The following ADARB2 variants were observed in gnomAD, a reference collection of about 807,000 sequenced individuals.
The protein encoded by ADARB2 is adenosine deaminase RNA specific B2 (inactive).
In ADARB2, 25 loss-of-function variants were observed where a neutral mutation model predicts 62.2. That is an observed-to-expected ratio of 0.40 (90% confidence interval 0.29 to 0.56). ADARB2 has a LOEUF of 0.56. Ranked by LOEUF, ADARB2 falls within the 20% of genes least tolerant of loss-of-function variation. ADARB2 has a pLI of 0.43. For missense variants in ADARB2, 1,071 were observed against 1,077.4 expected (o/e 0.99, Z 0.08); for synonymous variants, 572 against 500.8 (o/e 1.14, Z -1.90).
At chr10:1,261,771 A>G (rs898461834) in intron 4 of ADARB2, among the ~76,000 whole-genome samples, 18 of 150,366 alleles carry the variant, frequency 1.2e-4, no homozygotes, top group African/African-American at 4.5e-4. Flanking sequence ...ATACCATTTG[A>G]CCCAGCCATT....
At chr10:1,651,597 T>C (rs1834111631) in intron 1 of ADARB2, among the ~76,000 whole-genome samples, 1 of 152,286 alleles carries the variant, frequency 6.6e-6, no homozygotes, top group Admixed American at 6.5e-5. Flanking sequence ...CCAGCTGTCT[T>C]TCCCACATAC....
At chr10:1,600,740 G>C (rs1294525980) in intron 1 of ADARB2, among the ~76,000 whole-genome samples, 1 of 150,268 alleles carries the variant, frequency 6.7e-6, no homozygotes, top group Admixed American at 6.6e-5. Context: ...GCTCCGACTA[G>C]AAGGAGTCCC....
intron 1 of ADARB2, among the ~76,000 whole-genome samples, chr10:1,444,811 A>G (rs567186714): frequency 3.2e-4 from 46 of 143,046 alleles, no homozygotes; most frequent in African/African-American, 1.2e-3. Context: ...TCATTCTTCC[A>G]TACACCCAGC....
At chr10:1,503,918 T>G (rs1222237532) in intron 1 of ADARB2, among the ~76,000 whole-genome samples, 1 of 152,202 alleles carries the variant, frequency 6.6e-6, no homozygotes, top group African/African-American at 2.4e-5. Context: ...TCACGCTTCT[T>G]GTACAGCCTG....
At chr10:1,199,866 A>C in intron 8 of ADARB2, 100 bp downstream of exon 8, 1 of 1,285,140 alleles carries the variant, frequency 7.8e-7, no homozygotes. Flanking sequence ...GCCACTAGCC[A>C]ACATGGATGA....
Position 1,363,267 on chromosome 10 carries a change from CG to C in ADARB2, c.837del (p.Val280TrpfsTer4). On this transcript the variant is annotated frameshift_variant, in exon 3 of 10. Coordinates refer to ENST00000381312, the MANE Select transcript of ADARB2 (RefSeq NM_018702.4). LOFTEE classifies it high-confidence loss of function. ...GCGCGCAGGCGGTTCAGCAGCACCA[CG>C]GGGTTGCGCTCGCCCGGGGCCGCGG... ...ATPAAPGERN[P>X]VVLLNRLRAG... The C allele has an allele frequency of 7.9e-7, 1 of 1,269,996 alleles. No homozygotes were observed. Among genetic ancestry groups the C allele is most frequent in the Non-Finnish European group, 9.9e-7 (1 of 1,006,662 alleles). 78.7% of individuals were successfully genotyped at this position (1,269,996 alleles called of 1,614,324 possible). A position where few individuals can be genotyped will look rare whatever the true frequency, so the allele number is the denominator to read the frequency against.
At chr10:1,606,855 A>G (rs959867072) in intron 1 of ADARB2, among the ~76,000 whole-genome samples, 1 of 152,132 alleles carries the variant, frequency 6.6e-6, no homozygotes, top group Non-Finnish European at 1.5e-5. Flanking sequence ...ACTAAACCTG[A>G]GGTTCACATT....
intron 1 of ADARB2, among the ~76,000 whole-genome samples, chr10:1,666,856 G>A (rs1293468133): frequency 6.6e-6 from 1 of 152,158 alleles, no homozygotes; most frequent in Non-Finnish European, 1.5e-5. Context: ...TTGACATGAT[G>A]TGTTCAACCC....
intron 1 of ADARB2, among the ~76,000 whole-genome samples, chr10:1,410,884 C>G (rs536380808): frequency 4.4e-4 from 67 of 152,270 alleles, no homozygotes; most frequent in African/African-American, 1.6e-3. Flanking sequence ...TTCAGCTGCC[C>G]GGATGGAGGG....
chr10:1,376,562 C>T (rs1832431170), intron 2 of ADARB2, among the ~76,000 whole-genome samples: 1 of 152,150 alleles, frequency 6.6e-6, no homozygotes, highest in African/African-American at 2.4e-5. Context: ...GGGCACGTCC[C>T]TCTCTCAGGA....
Position 1,327,059 on chromosome 10 carries a change from C to A in ADARB2, c.1077+35969G>T, listed in dbSNP as rs866753356. On this transcript the variant is annotated intron_variant, in intron 3 of 9. Coordinates refer to ENST00000381312, the MANE Select transcript of ADARB2 (RefSeq NM_018702.4). ...CCACTGCCCAGCGCCTCCCCACTGC[C>A]CAGCGCCTCCCCACTGCACAGCGCC... Among the ~76,000 whole-genome samples the A allele has an allele frequency of 1.7e-3, 87 of 50,348 alleles. 6 individuals are homozygous for A. The highest frequency in any genetic ancestry group is 3.8e-3 in the African/African-American group (32 of 8,500). The allele number at this position is 50,348 out of a possible 152,430, so 33.0% of individuals were successfully genotyped here. A position where few individuals can be genotyped will look rare whatever the true frequency, so the allele number is the denominator to read the frequency against.
intron 3 of ADARB2, among the ~76,000 whole-genome samples, chr10:1,274,158 C>T (rs1055095461): frequency 3.3e-5 from 5 of 152,254 alleles, no homozygotes; most frequent in South Asian, 2.1e-4. Context: ...GTCCGCCCCA[C>T]GGCACATGGG....
At chr10:1,293,970 A>AG (rs1262882720) in intron 3 of ADARB2, among the ~76,000 whole-genome samples, 3 of 151,044 alleles carry the variant, frequency 2.0e-5, no homozygotes, top group Non-Finnish European at 4.4e-5. Flanking sequence ...TGTGGCTTGC[A>AG]GGGGGGCGGG....
At chr10:1,205,666 TACC>T (rs1448586372) in intron 7 of ADARB2, among the ~76,000 whole-genome samples, 3 of 152,256 alleles carry the variant, frequency 2.0e-5, no homozygotes, top group Non-Finnish European at 2.9e-5. Context: ...AGGGTGCCGT[TACC>T]ACCTGGGAAG....
At chr10:1,667,286 T>A (rs1834327304) in intron 1 of ADARB2, among the ~76,000 whole-genome samples, 1 of 152,234 alleles carries the variant, frequency 6.6e-6, no homozygotes, top group African/African-American at 2.4e-5. Context: ...GCATCAGGAC[T>A]GAATCATATG....
At chr10:1,323,739 T>C (rs1276527164) in intron 3 of ADARB2, among the ~76,000 whole-genome samples, 2 of 152,126 alleles carry the variant, frequency 1.3e-5, no homozygotes, top group East Asian at 3.8e-4. Context: ...CTCCATGTCT[T>C]ATACAAAATC....
At chr10:1,365,759 G>C (rs1832308830) in intron 2 of ADARB2, among the ~76,000 whole-genome samples, 1 of 152,198 alleles carries the variant, frequency 6.6e-6, no homozygotes, top group African/African-American at 2.4e-5. Flanking sequence ...TCTGCCACTG[G>C]AGATGCATCC....
intron 1 of ADARB2, among the ~76,000 whole-genome samples, chr10:1,696,809 G>C (rs1834752041): frequency 6.6e-6 from 1 of 152,148 alleles, no homozygotes; most frequent in Non-Finnish European, 1.5e-5. Context: ...GTGACCCTTG[G>C]CACTTCTGAC....
Position 1,639,391 on chromosome 10 carries a change from G to T in ADARB2, c.100+97660C>A, listed in dbSNP as rs545238971. 7.9e-5 allele frequency among the ~76,000 whole-genome samples: 12 copies of T among 152,344 alleles called. No individual in the cohort carries two copies. In the East Asian group the frequency reaches 2.3e-3, roughly 29 times the overall value. Reference sequence around the variant, plus strand: ...GTCCCAGGGTCTTGGAATCAGAGAAGACCAAGAAACGCCACCAGCTTTGGA... The same window carrying T: ...GTCCCAGGGTCTTGGAATCAGAGAATACCAAGAAACGCCACCAGCTTTGGA... On this transcript the variant is annotated intron_variant, in intron 1 of 9. Coordinates refer to ENST00000381312, the MANE Select transcript of ADARB2 (RefSeq NM_018702.4).
Sources: gnomAD v4.1 joint callset for allele counts (sites outside exome capture counted in the v4.1 genomes callset) on GRCh38, gnomAD v4.1.1 for gene constraint, MANE v1.5 for transcripts, NCBI Gene and HGNC (gene_info 2026-07-23, HGNC 2026-07-21) for gene names.